Variants in RERG observed in about 807,000 individuals in gnomAD.
The protein encoded by RERG is RAS like estrogen regulated growth inhibitor.
In RERG, 25 loss-of-function variants were observed where a neutral mutation model predicts 23.2. The observed-to-expected ratio is 1.08, with a 90% CI of 0.79 to 1.50. The LOEUF (loss-of-function observed/expected upper bound fraction) is 1.50. Among genes scored for constraint, RERG ranks in the 40% most tolerant of loss-of-function variants. RERG has a pLI of 0.00. For missense variants in RERG, 253 were observed against 250.1 expected, an observed-to-expected ratio of 1.01 and a Z score of -0.08; for synonymous variants, 81 against 89.1, an observed-to-expected ratio of 0.91 and a Z score of 0.51.
chr12:15,176,614 C>T (rs868854280), intron 2 of RERG, among the ~76,000 whole-genome samples: 9 of 152,020 alleles, frequency 5.9e-5, no homozygotes, highest in African/African-American at 7.2e-5. Context: ...AAGCAAGACA[C>T]GAGATAATAG....
Position 15,110,477 on chromosome 12 carries a change from T to C in RERG, c.192+867A>G, listed in dbSNP as rs1250430058. Among the ~76,000 whole-genome samples, 65 of 125,800 alleles carry C rather than the reference T, an allele frequency of 5.2e-4. 1 individual carries two copies. Among genetic ancestry groups the C allele is most frequent in the African/African-American group, 9.2e-4 (30 of 32,614 alleles). 82.5% of individuals were successfully genotyped at this position (125,800 alleles called of 152,430 possible). ...GCCATTTTTTTCTTTTTTTTTTTTTTTTTTTTTTTTTTTTTTACTGAGACG... is the reference window on the plus strand; with the variant it reads ...GCCATTTTTTTCTTTTTTTTTTTTTCTTTTTTTTTTTTTTTTACTGAGACG... On this transcript the variant is annotated intron_variant, in intron 4 of 4. Coordinates refer to ENST00000256953, the MANE Select transcript of RERG (RefSeq NM_032918.3).
chr12:15,144,351 G>C (rs933668216), intron 2 of RERG, among the ~76,000 whole-genome samples: 1 of 152,126 alleles, frequency 6.6e-6, no homozygotes, highest in Admixed American at 6.6e-5. Context: ...TCAGTATAAA[G>C]ATGCTATTTA....
chr12:15,181,505 T>C (rs1474975521), intron 2 of RERG, among the ~76,000 whole-genome samples: 1 of 152,230 alleles, frequency 6.6e-6, no homozygotes, highest in Non-Finnish European at 1.5e-5. Context: ...TTTCAAATCC[T>C]GGCCCTGCCA....
In RERG at chr12:15,108,745, T is replaced by G. The variant is rs2136080573; in HGVS notation, c.*365A>C. 1 of 170,386 alleles carries G rather than the reference T, an allele frequency of 5.9e-6. No individual in the cohort carries two copies. Among genetic ancestry groups the G allele is most frequent in the Middle Eastern group, 2.7e-3 (1 of 366 alleles). 10.6% of individuals were successfully genotyped at this position (170,386 alleles called of 1,614,324 possible). A position where few individuals can be genotyped will look rare whatever the true frequency, so the allele number is the denominator to read the frequency against. On this transcript the variant is annotated 3_prime_UTR_variant, in exon 5 of 5. Transcript: ENST00000256953. ...TGCTATCTTAGACTTTTAAGAAAAT[T>G]ATTTGTAGTATCTGACAAGAAATTG...
intron 2 of RERG, among the ~76,000 whole-genome samples, chr12:15,138,383 C>T (rs1356775148): frequency 6.6e-6 from 1 of 151,952 alleles, no homozygotes; most frequent in Non-Finnish European, 1.5e-5. Flanking sequence ...AGTGTCTTTT[C>T]TCTTTGCTTT....
In RERG at chr12:15,185,136, T is replaced by C. The variant is rs562275467; in HGVS notation, c.61+32293A>G. Among the ~76,000 whole-genome samples the C allele has an allele frequency of 7.2e-4, 109 of 152,280 alleles. 1 individual carries two copies. In the South Asian group the frequency reaches 0.022, roughly 31 times the overall value. ...TTAAATAATGCTCATTCCCCTGAAA[T>C]ATTTAATCTTAGATTAATTGCCACA... On this transcript the variant is annotated intron_variant, in intron 2 of 4. Coordinates refer to ENST00000256953, the MANE Select transcript of RERG (RefSeq NM_032918.3).
intron 1 of RERG, among the ~76,000 whole-genome samples, chr12:15,218,581 G>A (rs898730017): frequency 7.9e-5 from 12 of 152,082 alleles, no homozygotes; most frequent in African/African-American, 2.7e-4. Context: ...CCAATTAGGA[G>A]GAACTATCTT....
intron 2 of RERG, among the ~76,000 whole-genome samples, chr12:15,153,204 A>G (rs1185282645): frequency 6.6e-6 from 1 of 152,162 alleles, no homozygotes; most frequent in Admixed American, 6.6e-5. Context: ...AGGTCATCCA[A>G]GGTTTCTTTA....
At chr12:15,212,957 T>A (rs548842460) in intron 2 of RERG, among the ~76,000 whole-genome samples, 1 of 152,208 alleles carries the variant, frequency 6.6e-6, no homozygotes, top group Non-Finnish European at 1.5e-5. Context: ...GGATGAAAAA[T>A]CACTTCTCTT....
intron 2 of RERG, chr12:15,138,068 A>C: frequency 3.5e-6 from 1 of 283,938 alleles, no homozygotes; most frequent in South Asian, 3.4e-5. Context: ...TTTTTGTCAA[A>C]ATGCTTCAGA....
In RERG at chr12:15,142,673, A is replaced by C. The variant is rs1804480431; in HGVS notation, c.62-21554T>G. On this transcript the variant is annotated intron_variant, in intron 2 of 4. Transcript: ENST00000256953. The stretch of plus-strand genomic sequence containing the variant: ...TCTAGCATTTATCTGGATAATAATA[A>C]TACTTTGGGTCTCAAGAAAGAGAAG... Among the ~76,000 whole-genome samples, 5 of 152,138 alleles carry C rather than the reference A, an allele frequency of 3.3e-5. No homozygotes were observed. The South Asian group carries it at 1.0e-3, about 32-fold the overall frequency.
At chr12:15,201,195 G>C (rs1364269863) in intron 2 of RERG, among the ~76,000 whole-genome samples, 3 of 151,804 alleles carry the variant, frequency 2.0e-5, no homozygotes, top group African/African-American at 7.2e-5. Flanking sequence ...TAATCTAAAT[G>C]AGTATTCTAA....
rs879283694 is a variant in RERG, at chr12:15,221,417, C to G, written c.-337G>C. 3 of 152,222 alleles carry G rather than the reference C, an allele frequency of 2.0e-5. No homozygotes were observed. The highest frequency in any genetic ancestry group is 4.4e-5 in the Non-Finnish European group (3 of 68,066). The allele number at this position is 152,222 out of a possible 1,614,324, so 9.4% of individuals were successfully genotyped here. On this transcript the variant is annotated 5_prime_UTR_variant, in exon 1 of 5. Transcript: ENST00000256953. ...GCTCCGACTAGCGGCGGAGGGACTG[C>G]GGCAGGACGCGAGCTGAGCCCGGCC...
At chr12:15,192,108 G>T (rs1865079348) in intron 2 of RERG, among the ~76,000 whole-genome samples, 1 of 152,114 alleles carries the variant, frequency 6.6e-6, no homozygotes, top group Non-Finnish European at 1.5e-5. Context: ...TCATGGGGCA[G>T]ATTTCTCATG....
rs1364226963 is a variant in RERG, at chr12:15,108,546, A to T, written c.*564T>A. On this transcript the variant is annotated 3_prime_UTR_variant, in exon 5 of 5. Coordinates refer to ENST00000256953, the MANE Select transcript of RERG (RefSeq NM_032918.3). ...CAAATTGAAATGAATTCTCTGTTAT[A>T]GTGAAAAACATTAGTGAGAAGATGC... 1 of 152,694 alleles carries T rather than the reference A, an allele frequency of 6.5e-6. No individual in the cohort carries two copies. Among genetic ancestry groups the T allele is most frequent in the Non-Finnish European group, 1.5e-5 (1 of 68,068 alleles). The allele number at this position is 152,694 out of a possible 1,614,324, so 9.5% of individuals were successfully genotyped here.
intron 2 of RERG, among the ~76,000 whole-genome samples, chr12:15,196,741 T>C (rs1371498029): frequency 1.3e-5 from 2 of 152,192 alleles, no homozygotes; most frequent in African/African-American, 4.8e-5. Flanking sequence ...CAGTAATTCA[T>C]TGAGGTAGGT....
At chr12:15,214,581 G>T (rs1263346866) in intron 2 of RERG, among the ~76,000 whole-genome samples, 1 of 152,180 alleles carries the variant, frequency 6.6e-6, no homozygotes, top group Non-Finnish European at 1.5e-5. Flanking sequence ...CTCTGCAGTA[G>T]AAAGATAAAT....
chr12:15,122,707 T>C (rs552402168), intron 2 of RERG, among the ~76,000 whole-genome samples: 1 of 152,290 alleles, frequency 6.6e-6, no homozygotes. Flanking sequence ...TATTTTTTCT[T>C]TTGTACAATT....
chr12:15,137,389 A>C (rs916284487), intron 2 of RERG, among the ~76,000 whole-genome samples: 1 of 151,810 alleles, frequency 6.6e-6, no homozygotes, highest in African/African-American at 2.4e-5. Context: ...CTGATATATG[A>C]AATTAATATC....
Sources: allele counts gnomAD v4.1 joint callset (sites outside exome capture counted in the v4.1 genomes callset), GRCh38; gene constraint gnomAD v4.1.1; transcripts MANE v1.5; gene names NCBI Gene and HGNC (gene_info 2026-07-23, HGNC 2026-07-21).